CNTN6: variants seen among roughly 807,000 people sequenced by gnomAD.
CNTN6 encodes the protein contactin-6.
CNTN6 carries 137 observed loss-of-function variants against 122.8 expected under a neutral mutation model. The observed-to-expected ratio is 1.12, with a 90% CI of 0.97 to 1.29. CNTN6 has a LOEUF of 1.29. Ranked by LOEUF, CNTN6 falls within the 50% of genes most tolerant of loss-of-function variation. The pLI is 0.00. For missense variants in CNTN6, 1,634 were observed against 1,223.4 expected (o/e 1.34, Z -5.01); for synonymous variants, 570 against 426.0 (o/e 1.34, Z -4.16).
intron 11 of CNTN6, among the ~76,000 whole-genome samples, chr3:1,335,352 G>T (rs1407075549): frequency 6.6e-6 from 1 of 152,156 alleles, no homozygotes; most frequent in African/African-American, 2.4e-5. Flanking sequence ...GGAAAATCAG[G>T]ATGAATTACA....
intron 4 of CNTN6, among the ~76,000 whole-genome samples, chr3:1,243,695 T>G (rs887089340): frequency 1.3e-5 from 2 of 152,156 alleles, no homozygotes; most frequent in Non-Finnish European, 2.9e-5. Context: ...TGCCTTTGGC[T>G]CCAGCCACCT....
At chr3:1,235,772 G>T (rs11128589) in intron 4 of CNTN6, among the ~76,000 whole-genome samples, 33,770 of 151,942 alleles carry the variant, frequency 0.22, 3,949 homozygotes, top group Non-Finnish European at 0.24. Context: ...ACTGTGAGTC[G>T]GCTTGCTTTC....
At chr3:1,333,547 T>A (rs928729887) in intron 11 of CNTN6, among the ~76,000 whole-genome samples, 6 of 152,120 alleles carry the variant, frequency 3.9e-5, no homozygotes, top group Non-Finnish European at 8.8e-5. Context: ...TTTCTAGTTC[T>A]TGACCTTGGA....
chr3:1,244,662 G>T lies in CNTN6; in HGVS notation c.358+16669G>T, dbSNP rs369312534. 5.3e-5 allele frequency among the ~76,000 whole-genome samples: 8 copies of T among 152,198 alleles called. 2 individuals carry two copies. In the East Asian group the frequency reaches 1.2e-3, roughly 22 times the overall value. ...GTGAAGAGACCGCCAAACAGGCTTTGTGTGAGCAATAAAGCTGTTTATTTC... is the reference window on the plus strand; with the variant it reads ...GTGAAGAGACCGCCAAACAGGCTTTTTGTGAGCAATAAAGCTGTTTATTTC... On this transcript the variant is annotated intron_variant, in intron 4 of 22. Transcript: ENST00000446702.
intron 2 of CNTN6, among the ~76,000 whole-genome samples, chr3:1,199,193 T>TTC (rs397942584): frequency 6.6e-6 from 1 of 150,440 alleles, no homozygotes; most frequent in African/African-American, 2.5e-5. Flanking sequence ...TTTTTTTTTT[T>TTC]CCTGAGACAA....
chr3:1,148,205 T>C, intron 2 of CNTN6, 142 bp downstream of exon 2: 1 of 610,096 alleles, frequency 1.6e-6, no homozygotes. Flanking sequence ...GTAACTTCTA[T>C]GACTCAGACA....
intron 5 of CNTN6, among the ~76,000 whole-genome samples, chr3:1,288,572 C>G (rs1302426938): frequency 6.6e-6 from 1 of 152,146 alleles, no homozygotes; most frequent in Non-Finnish European, 1.5e-5. Flanking sequence ...AATCTGAACA[C>G]TATACTTCAA....
At chr3:1,169,193 A>G (rs988436139) in intron 2 of CNTN6, among the ~76,000 whole-genome samples, 4 of 152,218 alleles carry the variant, frequency 2.6e-5, no homozygotes, top group African/African-American at 9.6e-5. Flanking sequence ...AAGAGCATGC[A>G]ATTGGCAGAG....
chr3:1,105,768 G>T (rs2091191479), intron 1 of CNTN6, among the ~76,000 whole-genome samples: 1 of 151,976 alleles, frequency 6.6e-6, no homozygotes, highest in African/African-American at 2.4e-5. Flanking sequence ...TTTACCTCCG[G>T]CACCTAGCAT....
intron 12 of CNTN6, among the ~76,000 whole-genome samples, chr3:1,358,794 G>A (rs1054406636): frequency 3.3e-5 from 5 of 152,078 alleles, no homozygotes; most frequent in African/African-American, 4.8e-5. Context: ...CTACAGGCTG[G>A]GTGTGGTGGC....
chr3:1,395,070 T>C (rs1223934421), intron 20 of CNTN6, among the ~76,000 whole-genome samples: 1 of 152,148 alleles, frequency 6.6e-6, no homozygotes, highest in Non-Finnish European at 1.5e-5. Flanking sequence ...TAAATTTGAC[T>C]CTTACCAGCC....
intron 12 of CNTN6, among the ~76,000 whole-genome samples, chr3:1,358,108 C>G (rs148790192): frequency 9.1e-4 from 138 of 151,822 alleles, no homozygotes; most frequent in African/African-American, 3.3e-3. Context: ...ATTGTGTATT[C>G]TTTTGTGTTT....
intron 2 of CNTN6, among the ~76,000 whole-genome samples, chr3:1,149,398 G>A (rs2092791296): frequency 6.9e-6 from 1 of 144,914 alleles, no homozygotes; most frequent in East Asian, 1.9e-4. Flanking sequence ...CAGACATGCA[G>A]GAATAAACAT....
chr3:1,359,354 G>A (rs1260034462), intron 12 of CNTN6, among the ~76,000 whole-genome samples: 2 of 152,012 alleles, frequency 1.3e-5, no homozygotes, highest in African/African-American at 4.8e-5. Context: ...AATATTATTT[G>A]CTAGGGAAAT....
chr3:1,257,274 T>G (rs1486098487), intron 4 of CNTN6, among the ~76,000 whole-genome samples: 1 of 152,166 alleles, frequency 6.6e-6, no homozygotes, highest in Non-Finnish European at 1.5e-5. Context: ...TTTTACAAAT[T>G]ATGTGAAATG....
At chr3:1,312,019 T>A (rs982825866) in intron 7 of CNTN6, among the ~76,000 whole-genome samples, 1 of 152,054 alleles carries the variant, frequency 6.6e-6, no homozygotes, top group Non-Finnish European at 1.5e-5. Flanking sequence ...GTAAACTTCC[T>A]AAGTATATTT....
chr3:1,390,918 T>C (rs201771635), intron 20 of CNTN6, among the ~76,000 whole-genome samples: 1 of 150,122 alleles, frequency 6.7e-6, no homozygotes, highest in Non-Finnish European at 1.5e-5. Context: ...TAATCAATAG[T>C]TTACCAACCA....
intron 4 of CNTN6, among the ~76,000 whole-genome samples, chr3:1,248,651 C>T (rs1216444024): frequency 6.6e-6 from 1 of 152,026 alleles, no homozygotes; most frequent in Non-Finnish European, 1.5e-5. Context: ...GAAACTCTGT[C>T]TCCACTAAAA....
intron 1 of CNTN6, among the ~76,000 whole-genome samples, chr3:1,122,851 T>G (rs375927654): frequency 5.5e-4 from 83 of 152,020 alleles, no homozygotes; most frequent in African/African-American, 1.9e-3. Flanking sequence ...AGTTGAGCAT[T>G]TGGGCTGTTT....
Sources: gnomAD v4.1 joint callset for allele counts (sites outside exome capture counted in the v4.1 genomes callset) on GRCh38, gnomAD v4.1.1 for gene constraint, MANE v1.5 for transcripts, NCBI Gene and HGNC (gene_info 2026-07-23, HGNC 2026-07-21) for gene names.